The following ZFHX3 variants were observed in gnomAD, a reference collection of about 807,000 sequenced individuals.
ZFHX3 encodes the protein zinc finger homeobox protein 3.
A neutral mutation model predicts 279.1 loss-of-function variants in ZFHX3; 42 were observed. The ratio of observed to expected loss-of-function variants is 0.15; its 90% CI spans 0.12 to 0.19. The LOEUF (loss-of-function observed/expected upper bound fraction) is 0.19, where lower values mean the gene tolerates loss of function less well. ZFHX3 is among the 10% of genes least tolerant of loss of function. The probability of loss-of-function intolerance (pLI) is 1.00; values close to 1 mark genes in which losing one functional copy is unlikely to be tolerated. For synonymous variants in ZFHX3, 2,293 were observed against 1,957.8 expected, an observed-to-expected ratio of 1.17 and a Z score of -4.52; for missense variants, 4,981 against 4,754.0, an observed-to-expected ratio of 1.05 and a Z score of -1.40.
chr16:73,217,976 C>A (rs1182056848), intron 5 of ZFHX3, among the ~76,000 whole-genome samples: 2 of 152,044 alleles, frequency 1.3e-5, no homozygotes, highest in African/African-American at 2.4e-5. Flanking sequence ...TTGATATGGT[C>A]CATAAGTCAT....
chr16:73,250,838 A>T (rs2013465123), intron 5 of ZFHX3, among the ~76,000 whole-genome samples: 1 of 152,146 alleles, frequency 6.6e-6, no homozygotes, highest in Admixed American at 6.5e-5. Context: ...CACCGTGCCC[A>T]GCTACCCTCA....
chr16:73,561,133 T>C (rs1475692578), intron 2 of ZFHX3, among the ~76,000 whole-genome samples: 1 of 152,222 alleles, frequency 6.6e-6, no homozygotes, highest in Non-Finnish European at 1.5e-5. Context: ...CTGGGTGTTC[T>C]GCATTTTTAT....
intron 1 of ZFHX3, among the ~76,000 whole-genome samples, chr16:73,877,219 C>A (rs943225641): frequency 6.7e-6 from 1 of 149,408 alleles, no homozygotes; most frequent in African/African-American, 2.5e-5. Flanking sequence ...GGGTCCCAGG[C>A]ACTTGCTTCC....
chr16:73,324,918 G>A (rs772961039), intron 3 of ZFHX3, among the ~76,000 whole-genome samples: 49 of 152,026 alleles, frequency 3.2e-4, no homozygotes, highest in Admixed American at 7.2e-4. Context: ...TATCTCAAGG[G>A]GATCAACATT....
intron 3 of ZFHX3, among the ~76,000 whole-genome samples, chr16:73,407,898 C>A (rs1380115020): frequency 1.3e-5 from 2 of 152,114 alleles, no homozygotes; most frequent in Non-Finnish European, 2.9e-5. Flanking sequence ...AAAATGCTGG[C>A]TTTTATCAAT....
At position 72,805,482 on chromosome 16, in the gene ZFHX3, T is replaced by C. The variant is rs72793292; in HGVS notation, c.3865-5353A>G. 2.0e-5 allele frequency among the ~76,000 whole-genome samples: 3 copies of C among 152,074 alleles called. No individual in the cohort carries two copies. The East Asian group carries it at 5.8e-4, about 29-fold the overall frequency. ...ATTGAAAATCAATAGAATGAAGAAA[T>C]TCAGACAAAAAGAGGAGAGACCTCA... On this transcript the variant is annotated intron_variant, in intron 7 of 9. Coordinates refer to ENST00000268489, the MANE Select transcript of ZFHX3 (RefSeq NM_006885.4).
At chr16:72,845,938 C>T (rs1395834569) in intron 4 of ZFHX3, among the ~76,000 whole-genome samples, 1 of 152,198 alleles carries the variant, frequency 6.6e-6, no homozygotes, top group East Asian at 1.9e-4. Flanking sequence ...GGACCATATG[C>T]TTAATGGCTA....
At chr16:72,828,449 CCTT>C (rs1597283967) in intron 5 of ZFHX3, among the ~76,000 whole-genome samples, 1 of 152,230 alleles carries the variant, frequency 6.6e-6, no homozygotes, top group East Asian at 1.9e-4. Flanking sequence ...TGGCCGTTCT[CCTT>C]CTCTCAACAC....
rs146007386 is a variant in ZFHX3, at chr16:73,778,504, G to T, written c.-1607-98264C>A. 2.6e-3 allele frequency among the ~76,000 whole-genome samples: 392 copies of T among 152,230 alleles called. 4 individuals carry two copies. The highest frequency in any genetic ancestry group is 9.3e-3 in the African/African-American group (386 of 41,516). ...TTAAAATCACAATAATTCCCTCAGT[G>T]GTAGCAGCAATATGTATTAAGCTGC... On this transcript the variant is annotated intron_variant, in intron 1 of 17. Transcript: ENST00000641206.
chr16:73,087,110 G>A (rs562668727), intron 8 of ZFHX3, among the ~76,000 whole-genome samples: 1 of 152,158 alleles, frequency 6.6e-6, no homozygotes, highest in Non-Finnish European at 1.5e-5. Context: ...TTATCAATTA[G>A]AAAAACACTA....
At chr16:73,808,764 C>A (rs772791306) in intron 1 of ZFHX3, among the ~76,000 whole-genome samples, 3 of 151,996 alleles carry the variant, frequency 2.0e-5, no homozygotes, top group Non-Finnish European at 4.4e-5. Flanking sequence ...GCTAGAGGAA[C>A]AACTTAGAAG....
chr16:73,827,753 A>T (rs1216635415), intron 1 of ZFHX3, among the ~76,000 whole-genome samples: 1 of 108,802 alleles, frequency 9.2e-6, no homozygotes, highest in Non-Finnish European at 1.8e-5. Flanking sequence ...GTTTGATTGC[A>T]CTGTGGTCTG....
intron 2 of ZFHX3, among the ~76,000 whole-genome samples, chr16:73,651,841 C>A (rs1294353402): frequency 3.9e-5 from 5 of 128,450 alleles, no homozygotes; most frequent in African/African-American, 9.1e-5. Context: ...GGTGACAGAG[C>A]AAGACTCTGT....
intron 2 of ZFHX3, among the ~76,000 whole-genome samples, chr16:72,952,111 G>A (rs12149167): frequency 0.036 from 5,452 of 152,284 alleles, 144 homozygotes; most frequent in South Asian, 0.063. Context: ...GCATGGTGGC[G>A]TGTGCCTGTA....
intron 2 of ZFHX3, among the ~76,000 whole-genome samples, chr16:73,462,510 G>C (rs1456173736): frequency 6.6e-6 from 1 of 152,096 alleles, no homozygotes; most frequent in Non-Finnish European, 1.5e-5. Context: ...GCGGAAAAGT[G>C]TTCAGTCTTT....
intron 7 of ZFHX3, among the ~76,000 whole-genome samples, chr16:73,125,775 C>A (rs1966558698): frequency 6.7e-6 from 1 of 150,312 alleles, no homozygotes; most frequent in Admixed American, 6.6e-5. Flanking sequence ...ACTTAATAAA[C>A]TCCCATATAT....
intron 1 of ZFHX3, among the ~76,000 whole-genome samples, chr16:73,757,467 T>C (rs1451959013): frequency 1.3e-5 from 2 of 152,338 alleles, no homozygotes; most frequent in East Asian, 3.9e-4. Context: ...TTTTCGTCTA[T>C]GAAAATCAGA....
At chr16:73,835,739 G>A (rs888579402) in intron 1 of ZFHX3, among the ~76,000 whole-genome samples, 1 of 151,924 alleles carries the variant, frequency 6.6e-6, no homozygotes, top group Non-Finnish European at 1.5e-5. Context: ...CCAGAGTGCT[G>A]GGATTACAGG....
At chr16:73,872,266 CA>C (rs973455402) in intron 1 of ZFHX3, among the ~76,000 whole-genome samples, 65 of 151,212 alleles carry the variant, frequency 4.3e-4, no homozygotes, top group African/African-American at 1.5e-3. Flanking sequence ...TTCTTTGAGA[CA>C]GTCTCATTTT....
Sources: gnomAD v4.1 joint callset for allele counts (sites outside exome capture counted in the v4.1 genomes callset) on GRCh38, gnomAD v4.1.1 for gene constraint, MANE v1.5 for transcripts, NCBI Gene and HGNC (gene_info 2026-07-23, HGNC 2026-07-21) for gene names.